EXT2: variants seen among roughly 807,000 people sequenced by gnomAD.
EXT2 encodes exostosin glycosyltransferase 2, also known as exostosin-2.
A neutral mutation model predicts 81.6 loss-of-function variants in EXT2; 53 were observed. The observed-to-expected ratio is 0.65, with a 90% CI of 0.52 to 0.82. EXT2 has a LOEUF of 0.82. Ranked by LOEUF, EXT2 falls within the 40% of genes least tolerant of loss-of-function variation. The pLI, the probability that EXT2 is intolerant of heterozygous loss-of-function variation, is 0.00. For synonymous variants in EXT2, 320 were observed against 340.0 expected, an observed-to-expected ratio of 0.94 and a Z score of 0.65; for missense variants, 774 against 910.2, an observed-to-expected ratio of 0.85 and a Z score of 1.93.
chr11:44,217,238 G>A (rs1292386682), intron 10 of EXT2, among the ~76,000 whole-genome samples: 8 of 151,984 alleles, frequency 5.3e-5, no homozygotes, highest in South Asian at 2.1e-4. Context: ...ATCCTTAAAG[G>A]CACACCATAG....
chr11:44,118,461 C>A (rs1325490398), intron 4 of EXT2, among the ~76,000 whole-genome samples: 2 of 152,036 alleles, frequency 1.3e-5, no homozygotes, highest in East Asian at 3.9e-4. Context: ...ATAATGTATA[C>A]CCACAGCCTA....
chr11:44,136,576 T>G (rs1399515491), intron 7 of EXT2, among the ~76,000 whole-genome samples: 2 of 152,166 alleles, frequency 1.3e-5, no homozygotes, highest in African/African-American at 4.8e-5. Context: ...GGAAATATAT[T>G]ATGAGGAATG....
intron 4 of EXT2, among the ~76,000 whole-genome samples, chr11:44,117,430 G>A (rs1420374560): frequency 6.6e-6 from 1 of 152,158 alleles, no homozygotes; most frequent in Non-Finnish European, 1.5e-5. Flanking sequence ...TCTTCTAAGA[G>A]TTTTACAGTT....
chr11:44,181,416 G>A (rs1955234660), intron 8 of EXT2, among the ~76,000 whole-genome samples: 1 of 152,118 alleles, frequency 6.6e-6, no homozygotes, highest in African/African-American at 2.4e-5. Context: ...TGCTTCAGTT[G>A]TGAGAAATTT....
chr11:44,214,454 C>A (rs1955693033), intron 10 of EXT2, among the ~76,000 whole-genome samples: 1 of 152,102 alleles, frequency 6.6e-6, no homozygotes, highest in South Asian at 2.1e-4. Context: ...CCCTTCGTTC[C>A]CAACCAGCAG....
intron 7 of EXT2, among the ~76,000 whole-genome samples, chr11:44,142,472 A>G (rs547575118): frequency 3.2e-4 from 48 of 152,318 alleles, no homozygotes; most frequent in Middle Eastern, 3.4e-3. Flanking sequence ...GCCCATTTTG[A>G]TAAGGAGTTT....
At chr11:44,177,161 GA>G (rs1955169907) in intron 8 of EXT2, among the ~76,000 whole-genome samples, 1 of 152,142 alleles carries the variant, frequency 6.6e-6, no homozygotes, top group African/African-American at 2.4e-5. Flanking sequence ...GTTTTGAAAG[GA>G]ATTCTTTTTG....
intron 1 of EXT2, among the ~76,000 whole-genome samples, chr11:44,099,072 G>A (rs1953944792): frequency 6.6e-6 from 1 of 152,226 alleles, no homozygotes; most frequent in East Asian, 1.9e-4. Flanking sequence ...CGCAGTCATG[G>A]CTCACTGCAG....
chr11:44,190,959 T>C (rs559398378), intron 8 of EXT2, among the ~76,000 whole-genome samples: 1 of 152,306 alleles, frequency 6.6e-6, no homozygotes, highest in Non-Finnish European at 1.5e-5. Context: ...TTGCTTGAGT[T>C]TGAATCTCTT....
At chr11:44,136,855 C>T (rs948603672) in intron 7 of EXT2, among the ~76,000 whole-genome samples, 1 of 152,156 alleles carries the variant, frequency 6.6e-6, no homozygotes, top group Non-Finnish European at 1.5e-5. Context: ...TGCACATTGA[C>T]CTGATCCCTG....
At chr11:44,237,335 C>G (rs1228155068) in intron 13 of EXT2, among the ~76,000 whole-genome samples, 1 of 152,064 alleles carries the variant, frequency 6.6e-6, no homozygotes, top group Non-Finnish European at 1.5e-5. Context: ...GTTTTACTCT[C>G]TAAATAACTT....
chr11:44,132,171 CA>C (rs1954502904), intron 7 of EXT2, among the ~76,000 whole-genome samples: 1 of 152,160 alleles, frequency 6.6e-6, no homozygotes, highest in Non-Finnish European at 1.5e-5. Context: ...TTAAAATGCA[CA>C]AATTCTATCC....
intron 7 of EXT2, among the ~76,000 whole-genome samples, chr11:44,135,742 T>C (rs564522632): frequency 3.3e-5 from 5 of 152,330 alleles, no homozygotes; most frequent in African/African-American, 9.6e-5. Context: ...AATGTAAGGA[T>C]AGCCAGCTTT....
At chr11:44,097,658 G>A (rs1590534770) in intron 1 of EXT2, among the ~76,000 whole-genome samples, 1 of 151,974 alleles carries the variant, frequency 6.6e-6, no homozygotes, top group East Asian at 1.9e-4. Context: ...GGGTGTGGTA[G>A]CACACGCTTG....
chr11:44,211,949 GA>G (rs1287089385), intron 10 of EXT2, among the ~76,000 whole-genome samples: 2 of 152,108 alleles, frequency 1.3e-5, no homozygotes, highest in South Asian at 2.1e-4. Flanking sequence ...AACAGAGGGG[GA>G]AAGGTAGACT....
At chr11:44,190,508 G>A (rs914729891) in intron 8 of EXT2, among the ~76,000 whole-genome samples, 2 of 152,070 alleles carry the variant, frequency 1.3e-5, no homozygotes, top group East Asian at 1.9e-4. Flanking sequence ...GGCAAAATAC[G>A]TTCATTTAAA....
intron 7 of EXT2, among the ~76,000 whole-genome samples, chr11:44,144,805 C>G (rs1402301759): frequency 6.6e-6 from 1 of 152,176 alleles, no homozygotes; most frequent in Non-Finnish European, 1.5e-5. Flanking sequence ...ATGAAGTCCT[C>G]TCTTACTGTC....
At chr11:44,214,663 T>C (rs1955695303) in intron 10 of EXT2, among the ~76,000 whole-genome samples, 1 of 152,214 alleles carries the variant, frequency 6.6e-6, no homozygotes, top group African/African-American at 2.4e-5. Flanking sequence ...ATGTACTCTT[T>C]TTCATTCCTG....
At chr11:44,160,636 T>C (rs1954916169) in intron 7 of EXT2, among the ~76,000 whole-genome samples, 2 of 152,196 alleles carry the variant, frequency 1.3e-5, no homozygotes, top group South Asian at 4.1e-4. Flanking sequence ...TTTAGATATG[T>C]TAAGTGCAAC....
Sources: allele counts gnomAD v4.1 joint callset (sites outside exome capture counted in the v4.1 genomes callset), GRCh38; gene constraint gnomAD v4.1.1; transcripts MANE v1.5; gene names NCBI Gene and HGNC (gene_info 2026-07-23, HGNC 2026-07-21).